Variants in CCDC91 observed in about 807,000 individuals in gnomAD.
CCDC91 encodes the protein coiled-coil domain-containing protein 91.
CCDC91 carries 48 observed loss-of-function variants against 63.2 expected under a neutral mutation model. The ratio of observed to expected loss-of-function variants is 0.76; its 90% CI spans 0.60 to 0.97. The LOEUF is 0.97. Among genes scored for constraint, CCDC91 ranks in the 50% least tolerant of loss-of-function variants. The pLI, the probability that CCDC91 is intolerant of heterozygous loss-of-function variation, is 0.00. For missense variants in CCDC91, 500 were observed against 494.6 expected, an observed-to-expected ratio of 1.01 and a Z score of -0.10; for synonymous variants, 167 against 165.8, an observed-to-expected ratio of 1.01 and a Z score of -0.06.
At chr12:28,293,245 GA>G (rs1335506402) in intron 3 of CCDC91, among the ~76,000 whole-genome samples, 2 of 152,110 alleles carry the variant, frequency 1.3e-5, no homozygotes, top group Non-Finnish European at 2.9e-5. Flanking sequence ...AGAAGTAAGA[GA>G]ACTGAAAATA....
chr12:28,357,674 C>T (rs539444137), intron 6 of CCDC91, among the ~76,000 whole-genome samples: 1 of 152,184 alleles, frequency 6.6e-6, no homozygotes, highest in Non-Finnish European at 1.5e-5. Context: ...CCTTATTGAA[C>T]AATACCTGGC....
chr12:28,270,319 C>T (rs183168242), intron 3 of CCDC91, among the ~76,000 whole-genome samples: 149 of 152,048 alleles, frequency 9.8e-4, no homozygotes, highest in Admixed American at 3.2e-3. Flanking sequence ...TAAACTTAAT[C>T]CTATAGAAAG....
chr12:28,532,266 G>C (rs1839543464), intron 12 of CCDC91, among the ~76,000 whole-genome samples: 1 of 151,880 alleles, frequency 6.6e-6, no homozygotes, highest in African/African-American at 2.4e-5. Flanking sequence ...AGATGGAGGG[G>C]TGAATATCCC....
intron 6 of CCDC91, among the ~76,000 whole-genome samples, chr12:28,325,829 G>T (rs2137534913): frequency 1.3e-5 from 2 of 152,022 alleles, no homozygotes; most frequent in East Asian, 3.9e-4. Flanking sequence ...TAATGATTTT[G>T]AAACTTCTAT....
intron 12 of CCDC91, among the ~76,000 whole-genome samples, chr12:28,493,307 T>C (rs1209314196): frequency 6.6e-6 from 1 of 151,720 alleles, no homozygotes; most frequent in Non-Finnish European, 1.5e-5. Context: ...TTAAGACTGA[T>C]TGAATAATTT....
intron 6 of CCDC91, among the ~76,000 whole-genome samples, chr12:28,325,212 G>A (rs1182329004): frequency 2.0e-5 from 3 of 151,902 alleles, no homozygotes; most frequent in Non-Finnish European, 4.4e-5. Flanking sequence ...AAAAACAATG[G>A]CAATGTTTGG....
At chr12:28,379,901 A>C (rs192821314) in intron 7 of CCDC91, among the ~76,000 whole-genome samples, 4 of 152,284 alleles carry the variant, frequency 2.6e-5, no homozygotes, top group Admixed American at 2.6e-4. Context: ...CTTGGAACTA[A>C]CCCAAATGTC....
intron 8 of CCDC91, among the ~76,000 whole-genome samples, chr12:28,429,991 C>T (rs1352363934): frequency 6.6e-6 from 1 of 151,926 alleles, no homozygotes; most frequent in African/African-American, 2.4e-5. Flanking sequence ...TACATTTCAT[C>T]AGGAATTTTT....
intron 12 of CCDC91, among the ~76,000 whole-genome samples, chr12:28,490,201 G>T (rs1290399543): frequency 2.0e-5 from 3 of 151,770 alleles, no homozygotes; most frequent in African/African-American, 7.3e-5. Flanking sequence ...TCTGGAGGAG[G>T]CTGTGTAGTT....
chr12:28,333,287 C>T (rs1367402262), intron 6 of CCDC91, among the ~76,000 whole-genome samples: 2 of 150,286 alleles, frequency 1.3e-5, no homozygotes, highest in Admixed American at 1.3e-4. Flanking sequence ...CCCAGCTGCT[C>T]GGGAGGCTGA....
intron 6 of CCDC91, among the ~76,000 whole-genome samples, chr12:28,353,346 T>G (rs559285241): frequency 6.6e-6 from 1 of 152,322 alleles, no homozygotes; most frequent in East Asian, 1.9e-4. Flanking sequence ...ATCATTTGTG[T>G]CTTCACTGGA....
rs74643548 is a variant in CCDC91 at position 28,343,806 on chromosome 12, A to G, written c.577-18632A>G. Among the ~76,000 whole-genome samples, 554 of 152,258 alleles carry G rather than the reference A, an allele frequency of 3.6e-3. 2 individuals are homozygous for G. Among genetic ancestry groups the G allele is most frequent in the Admixed American group, 6.0e-3 (92 of 15,296 alleles). ...AATGTATCATCTGACCTTTTGGTAC[A>G]CTGGTAATTTTGTAGTCCTATCTAG... On this transcript the variant is annotated intron_variant, in intron 6 of 12. Transcript: ENST00000536442.
chr12:28,331,460 T>C (rs1297577557), intron 6 of CCDC91, among the ~76,000 whole-genome samples: 1 of 152,220 alleles, frequency 6.6e-6, no homozygotes, highest in Non-Finnish European at 1.5e-5. Context: ...TAGTTTTGCC[T>C]TAAGCCCTTT....
chr12:28,271,845 A>C (rs1269211008), intron 3 of CCDC91, among the ~76,000 whole-genome samples: 1 of 150,264 alleles, frequency 6.7e-6, no homozygotes, highest in Non-Finnish European at 1.5e-5. Flanking sequence ...ATGTGTATAT[A>C]TATAAGTATT....
At chr12:28,335,844 T>TAATATGTTCC (rs1941935952) in intron 6 of CCDC91, among the ~76,000 whole-genome samples, 1 of 152,118 alleles carries the variant, frequency 6.6e-6, no homozygotes, top group Non-Finnish European at 1.5e-5. Context: ...AACTCTGTGT[T>TAATATGTTCC]ACCATATGTT....
intron 11 of CCDC91, among the ~76,000 whole-genome samples, chr12:28,470,125 CAA>C (rs980115978): frequency 2.0e-5 from 3 of 152,054 alleles, no homozygotes; most frequent in Non-Finnish European, 2.9e-5. Context: ...GCAAAGGAAA[CAA>C]TCAACAAAAT....
At chr12:28,250,434 ACTT>A (rs1946047732) in intron 1 of CCDC91, among the ~76,000 whole-genome samples, 1 of 152,126 alleles carries the variant, frequency 6.6e-6, no homozygotes, top group South Asian at 2.1e-4. Flanking sequence ...GTATGGCAAT[ACTT>A]CTTTAATTCA....
intron 8 of CCDC91, 95 bp downstream of exon 8, chr12:28,391,506 A>C: frequency 1.5e-6 from 1 of 671,954 alleles, no homozygotes; most frequent in South Asian, 2.6e-5. Context: ...TGTTCCATTT[A>C]CTTGGTGTAT....
chr12:28,486,421 C>G (rs187678710), intron 12 of CCDC91, among the ~76,000 whole-genome samples: 54 of 152,130 alleles, frequency 3.5e-4, no homozygotes, highest in Admixed American at 2.7e-3. Flanking sequence ...AGTGTCTAGT[C>G]TTAATAGTAT....
Sources: allele counts gnomAD v4.1 joint callset (sites outside exome capture counted in the v4.1 genomes callset), GRCh38; gene constraint gnomAD v4.1.1; transcripts MANE v1.5; gene names NCBI Gene and HGNC (gene_info 2026-07-23, HGNC 2026-07-21).